The following CNKSR2 variants were observed in gnomAD, a reference collection of about 807,000 sequenced individuals.
The protein encoded by CNKSR2 is CNK homolog protein 2.
In CNKSR2, 14 loss-of-function variants were observed where a neutral mutation model predicts 84.4. That is an observed-to-expected ratio of 0.17 (90% CI 0.11 to 0.26). The LOEUF (loss-of-function observed/expected upper bound fraction) is 0.26. Among genes scored for constraint, CNKSR2 ranks in the 10% least tolerant of loss-of-function variants. CNKSR2 has a pLI of 1.00. For missense variants in CNKSR2, 485 were observed against 771.2 expected, an observed-to-expected ratio of 0.63 and a Z score of 4.40; for synonymous variants, 275 against 277.9, an observed-to-expected ratio of 0.99 and a Z score of 0.10.
intron 4 of CNKSR2, among the ~76,000 whole-genome samples, chrX:21,464,999 G>A (rs760167753): frequency 7.2e-4 from 81 of 111,729 alleles, no homozygotes; most frequent in Non-Finnish European, 4.9e-4. Context: ...AACCAAATCA[G>A]TCTGCTTACT....
intron 1 of CNKSR2, among the ~76,000 whole-genome samples, chrX:21,402,029 A>G (rs774110977): frequency 9.0e-6 from 1 of 111,318 alleles, no homozygotes; most frequent in East Asian, 2.8e-4. Flanking sequence ...TTTCTCTCAA[A>G]CATATGGTCT....
At chrX:21,576,924 G>A (rs2092322791) in intron 13 of CNKSR2, among the ~76,000 whole-genome samples, 1 of 111,318 alleles carries the variant, frequency 9.0e-6, no homozygotes, top group African/African-American at 3.3e-5. Context: ...TTTTTGTATT[G>A]ATTGAGTGTG....
rs556553241 is a variant in CNKSR2, at chrX:21,567,130, T to C, written c.1608+3678T>C. 3.6e-5 allele frequency among the ~76,000 whole-genome samples: 4 copies of C among 111,665 alleles called. No individual in the cohort carries two copies. In the South Asian group the frequency reaches 1.5e-3, roughly 42 times the overall value. ...CTAAACCTGAAATCACAAGGACATC[T>C]TCCCTGACCACTACCCTCTGAACTA... On this transcript the variant is annotated intron_variant, in intron 13 of 21. Coordinates refer to ENST00000379510, the MANE Select transcript of CNKSR2 (RefSeq NM_014927.5).
At chrX:21,460,675 C>T (rs2091050287) in intron 4 of CNKSR2, among the ~76,000 whole-genome samples, 1 of 110,988 alleles carries the variant, frequency 9.0e-6, no homozygotes. Flanking sequence ...TACCCATCCC[C>T]ACTTCTCCTC....
intron 13 of CNKSR2, among the ~76,000 whole-genome samples, chrX:21,572,115 C>A (rs1173966575): frequency 8.9e-6 from 1 of 112,135 alleles, no homozygotes; most frequent in Non-Finnish European, 1.9e-5. Flanking sequence ...TAAAATGTTT[C>A]ATAGTAGCAT....
chrX:21,442,722 T>C (rs1373547714), intron 4 of CNKSR2, among the ~76,000 whole-genome samples: 1 of 111,674 alleles, frequency 9.0e-6, no homozygotes, highest in Non-Finnish European at 1.9e-5. Context: ...ATGAGATTTA[T>C]TTAAAAATAG....
rs1056734035 is a variant in CNKSR2 at position 21,490,485 on chromosome X, C to T, written c.588C>T (p.Asp196=). 9 of 1,205,315 alleles carry T rather than the reference C, an allele frequency of 7.5e-6. No homozygotes were observed. Among genetic ancestry groups the T allele is most frequent in the African/African-American group, 3.5e-5 (2 of 57,138 alleles). The part of the protein sequence containing the change: ...HVCKTLSGVC[D]HIISLSSDPL... ...GTAAAACTCTTTCTGGAGTCTGTGA[C>T]CACATCATATCCCTGTCGTCAGATC... The change falls in exon 6 of 22, where the codon GAC becomes GAT. Residue 196 remains aspartate, a synonymous_variant. Coordinates refer to ENST00000379510, the MANE Select transcript of CNKSR2 (RefSeq NM_014927.5).
chrX:21,415,723 C>T (rs2090408175), intron 1 of CNKSR2, among the ~76,000 whole-genome samples: 1 of 105,771 alleles, frequency 9.5e-6, no homozygotes, highest in Admixed American at 1.0e-4. Flanking sequence ...CAACATGGCA[C>T]ATGTATACAT....
At chrX:21,426,394 AATTT>A (rs2090565042) in intron 1 of CNKSR2, 99 bp from the exon 2 acceptor site, 1 of 763,049 alleles carries the variant, frequency 1.3e-6, no homozygotes, top group African/African-American at 2.1e-5. Flanking sequence ...AAATGGACTT[AATTT>A]GTGACATGGT....
At chrX:21,588,531 T>C (rs957966473) in intron 13 of CNKSR2, among the ~76,000 whole-genome samples, 1 of 112,434 alleles carries the variant, frequency 8.9e-6, no homozygotes, top group Non-Finnish European at 1.9e-5. Context: ...TCTAAGGCTT[T>C]GCTTCTTTGA....
chrX:21,412,441 T>C (rs2090358240), intron 1 of CNKSR2, among the ~76,000 whole-genome samples: 1 of 112,205 alleles, frequency 8.9e-6, no homozygotes, highest in South Asian at 3.7e-4. Context: ...TGTACAATTT[T>C]CAGCATGTCC....
chrX:21,638,719 T>C (rs1345482370), intron 20 of CNKSR2, among the ~76,000 whole-genome samples: 1 of 112,476 alleles, frequency 8.9e-6, no homozygotes, highest in Non-Finnish European at 1.9e-5. Context: ...CAAAATGTAA[T>C]TGGCTAAAAG....
intron 20 of CNKSR2, among the ~76,000 whole-genome samples, chrX:21,611,967 A>T (rs1431483508): frequency 1.8e-5 from 2 of 112,093 alleles, no homozygotes; most frequent in East Asian, 5.6e-4. Flanking sequence ...CGTGTACTTC[A>T]AACTGTTCGT....
Position 21,578,679 on chromosome X carries a change from A to G in CNKSR2, c.1609-11893A>G, listed in dbSNP as rs959028707. 7.2e-5 allele frequency among the ~76,000 whole-genome samples: 8 copies of G among 110,926 alleles called. No individual in the cohort carries two copies. In the East Asian group the frequency reaches 2.3e-3, roughly 31 times the overall value. On this transcript the variant is annotated intron_variant, in intron 13 of 21. Transcript: ENST00000379510. ...AGTTACTCTGCATGTAAGGGAATTTATCTTCTGATGAGCAAATCAGGAAGC... is the reference window on the plus strand; with the variant it reads ...AGTTACTCTGCATGTAAGGGAATTTGTCTTCTGATGAGCAAATCAGGAAGC...
chrX:21,467,269 A>G (rs1312437325), intron 4 of CNKSR2, among the ~76,000 whole-genome samples: 2 of 111,424 alleles, frequency 1.8e-5, no homozygotes, highest in South Asian at 3.8e-4. Context: ...CTCACTCTGA[A>G]TCAACTAGAT....
At chrX:21,481,438 CCTTTGGCATTCATGGTAGACAGGATT>C (rs1001416547) in intron 5 of CNKSR2, among the ~76,000 whole-genome samples, 6 of 111,380 alleles carry the variant, frequency 5.4e-5, no homozygotes, top group African/African-American at 2.0e-4. Flanking sequence ...TGATAATTTT[CCTTTGGCATTCATGGTAGACAGGATT>C]CTAAGATGAC....
chrX:21,469,810 G>A (rs1427727193), intron 4 of CNKSR2, among the ~76,000 whole-genome samples: 1 of 110,895 alleles, frequency 9.0e-6, no homozygotes, highest in African/African-American at 3.3e-5. Flanking sequence ...TACTAGGGAG[G>A]CTGAGGCAGG....
Position 21,616,598 on chromosome X carries a change from T to C in CNKSR2, c.2692+6981T>C, listed in dbSNP as rs1294340471. Among the ~76,000 whole-genome samples, 6 of 111,960 alleles carry C rather than the reference T, an allele frequency of 5.4e-5. No individual in the cohort carries two copies. The Admixed American group carries it at 5.7e-4, about 11-fold the overall frequency. On this transcript the variant is annotated intron_variant, in intron 20 of 21. Transcript: ENST00000379510. ...TAACTAGAATTACTGCTCCTCACAT[T>C]ATGGCTGTTTTATGGTCACATTCTC...
At chrX:21,631,866 G>A (rs1033926145) in intron 20 of CNKSR2, among the ~76,000 whole-genome samples, 5 of 111,533 alleles carry the variant, frequency 4.5e-5, no homozygotes, top group Non-Finnish European at 7.5e-5. Context: ...TATTATTACC[G>A]AGCTAACATG....
Sources: gnomAD v4.1 joint callset for allele counts (sites outside exome capture counted in the v4.1 genomes callset) on GRCh38, gnomAD v4.1.1 for gene constraint, MANE v1.5 for transcripts, NCBI Gene and HGNC (gene_info 2026-07-23, HGNC 2026-07-21) for gene names.